CACNA2D4: variants seen among roughly 807,000 people sequenced by gnomAD.
CACNA2D4 encodes the protein voltage-dependent calcium channel subunit alpha-2/delta-4.
In CACNA2D4, 157 loss-of-function variants were observed where a neutral mutation model predicts 163.8. The ratio of observed to expected loss-of-function variants is 0.96; its 90% CI spans 0.84 to 1.09. The LOEUF (loss-of-function observed/expected upper bound fraction) is 1.09, where lower values mean the gene tolerates loss of function less well. CACNA2D4 is among the 50% of genes least tolerant of loss of function. CACNA2D4 has a pLI of 0.00. For synonymous variants in CACNA2D4, 598 were observed against 586.9 expected, an observed-to-expected ratio of 1.02 and a Z score of -0.27; for missense variants, 1,410 against 1,479.9, an observed-to-expected ratio of 0.95 and a Z score of 0.78.
intron 23 of CACNA2D4, among the ~76,000 whole-genome samples, chr12:1,851,461 C>T (rs1335082427): frequency 6.6e-6 from 1 of 152,206 alleles, no homozygotes; most frequent in Non-Finnish European, 1.5e-5. Context: ...ATTGATTTGA[C>T]AGGATGCCTC....
rs1389351020 is a variant in CACNA2D4, at chr12:1,883,874, G to A, written c.1351+369C>T. On this transcript the variant is annotated intron_variant, in intron 12 of 37. Transcript: ENST00000382722. The surrounding 1 kb of genome is among the most constrained non-coding windows in gnomAD (Gnocchi z 4.5). ...CTGGTGCCTGGAAATGGGGCCAGGT[G>A]CATAGTGGATGCTCAGTGAATTTTT... Among the ~76,000 whole-genome samples, 4 of 152,338 alleles carry A rather than the reference G, an allele frequency of 2.6e-5. No individual in the cohort carries two copies. In the East Asian group the frequency reaches 7.7e-4, roughly 29 times the overall value.
intron 27 of CACNA2D4, among the ~76,000 whole-genome samples, chr12:1,811,118 G>C (rs1863692919): frequency 6.6e-6 from 1 of 152,232 alleles, no homozygotes; most frequent in African/African-American, 2.4e-5. Flanking sequence ...CCCAGAGTCA[G>C]GCGGCAGCAG....
intron 16 of CACNA2D4, among the ~76,000 whole-genome samples, chr12:1,876,579 T>C (rs149753735): frequency 0.011 from 1,692 of 152,344 alleles, 16 homozygotes; most frequent in Non-Finnish European, 0.018. Context: ...TCCGGTCCCC[T>C]ATCACTGTGT....
intron 26 of CACNA2D4, among the ~76,000 whole-genome samples, chr12:1,823,956 G>T (rs1364701811): frequency 6.6e-6 from 1 of 152,236 alleles, no homozygotes; most frequent in Non-Finnish European, 1.5e-5. Flanking sequence ...GAGAGCTCGG[G>T]CTCAGAGCCA....
In CACNA2D4 at chr12:1,795,656, A is replaced by G; in HGVS notation, c.3226+12T>C. 1 of 1,552,796 alleles carries G rather than the reference A, an allele frequency of 6.4e-7. No homozygotes were observed. The highest frequency in any genetic ancestry group is 1.1e-5 in the South Asian group (1 of 89,882). On this transcript the variant is annotated intron_variant, in intron 36 of 37. Transcript: ENST00000382722. ...GCCCCCACCGCACACATCCCCGAGC[A>G]TTGCAGGATATATTTGACTTCTGTC...
intron 26 of CACNA2D4, among the ~76,000 whole-genome samples, chr12:1,837,456 G>A (rs1864906098): frequency 1.3e-5 from 2 of 152,238 alleles, no homozygotes; most frequent in South Asian, 4.1e-4. Flanking sequence ...GAGGGGATGA[G>A]GAAGAGCATG....
At chr12:1,840,963 T>A in intron 25 of CACNA2D4, 144 bp from the exon 26 acceptor site, 1 of 728,638 alleles carries the variant, frequency 1.4e-6, no homozygotes. Context: ...GGGACAGGGG[T>A]TGTGTTTGGA....
chr12:1,867,827 C>T (rs1865688050), intron 18 of CACNA2D4, among the ~76,000 whole-genome samples: 1 of 152,114 alleles, frequency 6.6e-6, no homozygotes, highest in Non-Finnish European at 1.5e-5. Context: ...AGACCTTTCT[C>T]AAAAGAAGAC....
At chr12:1,906,430 A>G (rs565555121) in intron 6 of CACNA2D4, among the ~76,000 whole-genome samples, 2 of 152,260 alleles carry the variant, frequency 1.3e-5, no homozygotes, top group African/African-American at 4.8e-5. Context: ...CTGATAAGGG[A>G]TCAATATTCA....
intron 24 of CACNA2D4, 31 bp downstream of exon 24, chr12:1,846,563 T>C (rs1865148257): frequency 4.6e-6 from 7 of 1,533,324 alleles, no homozygotes; most frequent in Non-Finnish European, 6.2e-6. Flanking sequence ...CCTGCAGGGA[T>C]TGCCCTCCCG....
At chr12:1,871,096 A>T (rs1468853346) in intron 18 of CACNA2D4, among the ~76,000 whole-genome samples, 1 of 150,032 alleles carries the variant, frequency 6.7e-6, no homozygotes, top group Non-Finnish European at 1.5e-5. Flanking sequence ...GTGTGTGTGT[A>T]CGTGTGTGCT....
At chr12:1,892,653 T>G (rs1866313237) in intron 6 of CACNA2D4, among the ~76,000 whole-genome samples, 1 of 152,098 alleles carries the variant, frequency 6.6e-6, no homozygotes, top group Non-Finnish European at 1.5e-5. Flanking sequence ...ATAATAACCT[T>G]GAATGTAAAC....
Position 1,875,190 on chromosome 12 carries a change from G to T in CACNA2D4, c.1806+61C>A. ...CCTCAAAGCTCACAGCCACACAGCT[G>T]ACCCATTTAGTTGGATGTAGAGCCT... On this transcript the variant is annotated intron_variant, in intron 17 of 37. Transcript: ENST00000382722. This position sits in a 1 kb window ranked among gnomAD's most constrained non-coding sequence, Gnocchi z 4.0. 8.6e-7 allele frequency: 1 copy of T among 1,164,704 alleles called. No individual in the cohort carries two copies. The highest frequency in any genetic ancestry group is 1.3e-6 in the Non-Finnish European group (1 of 771,588). The allele number at this position is 1,164,704 out of a possible 1,614,324, so 72.1% of individuals were successfully genotyped here. A position where few individuals can be genotyped will look rare whatever the true frequency, so the allele number is the denominator to read the frequency against.
chr12:1,855,147 T>C (rs1865371585), intron 22 of CACNA2D4, among the ~76,000 whole-genome samples: 1 of 152,152 alleles, frequency 6.6e-6, no homozygotes, highest in Non-Finnish European at 1.5e-5. Context: ...TGTAGGCTTA[T>C]TTGCTTATCA....
chr12:1,815,884 T>G (rs1371659917), intron 26 of CACNA2D4, among the ~76,000 whole-genome samples: 1 of 152,184 alleles, frequency 6.6e-6, no homozygotes, highest in East Asian at 1.9e-4. Flanking sequence ...GAAGAAGAAC[T>G]TCCTTATGGC....
Position 1,799,834 on chromosome 12 carries a change from G to C in CACNA2D4, c.2975-139C>G. 1.5e-6 allele frequency: 2 copies of C among 1,301,686 alleles called. No homozygotes were observed. The highest frequency in any genetic ancestry group is 2.2e-6 in the Non-Finnish European group (2 of 923,886). The allele number at this position is 1,301,686 out of a possible 1,614,324, so 80.6% of individuals were successfully genotyped here. On this transcript the variant is annotated intron_variant, in intron 33 of 37. Transcript: ENST00000382722. This position sits in a 1 kb window ranked among gnomAD's most constrained non-coding sequence, Gnocchi z 4.7. Reference sequence around the variant, plus strand: ...AAGATGATGTCACACACAGAGCCAGGAGTGAGGGATGTGATGAGAGAAGGC... The same window carrying C: ...AAGATGATGTCACACACAGAGCCAGCAGTGAGGGATGTGATGAGAGAAGGC...
intron 26 of CACNA2D4, chr12:1,827,353 T>G (rs533802249): frequency 2.0e-5 from 3 of 153,058 alleles, no homozygotes; most frequent in East Asian, 3.9e-4. Context: ...CCTGGCTGCC[T>G]CAGCGCCCCT....
intron 23 of CACNA2D4, 67 bp from the exon 24 acceptor site, chr12:1,846,756 G>A (rs1214486966): frequency 1.6e-6 from 2 of 1,267,066 alleles, no homozygotes; most frequent in African/African-American, 2.9e-5. Flanking sequence ...GCGACCTGCA[G>A]GGGTTTGGGG....
At chr12:1,830,916 G>A (rs761497944) in intron 26 of CACNA2D4, 41 of 1,576,862 alleles carry the variant, frequency 2.6e-5, no homozygotes, top group Middle Eastern at 1.7e-4. Flanking sequence ...TCTTTCCCCC[G>A]TCTGTCCCTC....
Sources: allele counts gnomAD v4.1 joint callset (sites outside exome capture counted in the v4.1 genomes callset), GRCh38; gene constraint gnomAD v4.1.1; non-coding constraint Gnocchi (gnomAD v3.1); transcripts MANE v1.5; gene names NCBI Gene and HGNC (gene_info 2026-07-23, HGNC 2026-07-21).